Variants in DCAF1 observed in about 807,000 individuals in gnomAD.
The protein encoded by DCAF1 is DDB1- and CUL4-associated factor 1.
DCAF1 carries 15 observed loss-of-function variants against 128.0 expected under a neutral mutation model. The observed-to-expected ratio is 0.12, with a 90% CI of 0.08 to 0.18. The LOEUF is 0.18. Among genes scored for constraint, DCAF1 ranks in the 10% least tolerant of loss-of-function variants. The pLI is 1.00. For missense variants in DCAF1, 988 were observed against 1,649.5 expected (o/e 0.60, Z 6.95); for synonymous variants, 610 against 603.0 (o/e 1.01, Z -0.17).
At chr3:51,474,194 G>A (rs550794717) in intron 3 of DCAF1, among the ~76,000 whole-genome samples, 19 of 152,118 alleles carry the variant, frequency 1.2e-4, no homozygotes, top group African/African-American at 1.9e-4. Context: ...TGAGGCGGGC[G>A]GATCACCTGA....
intron 9 of DCAF1, among the ~76,000 whole-genome samples, chr3:51,434,967 T>C (rs1434989326): frequency 3.9e-5 from 6 of 152,170 alleles, no homozygotes; most frequent in East Asian, 1.9e-4. Flanking sequence ...ACCAACAACA[T>C]AGATTTGTAA....
At chr3:51,496,110 G>A (rs911494723) in intron 2 of DCAF1, among the ~76,000 whole-genome samples, 1 of 152,026 alleles carries the variant, frequency 6.6e-6, no homozygotes, top group Admixed American at 6.6e-5. Context: ...TGACTAATAT[G>A]GAGAAACCCT....
chr3:51,467,060 G>A (rs562748300), intron 4 of DCAF1, among the ~76,000 whole-genome samples, 184 bp from the exon 5 acceptor site: 2 of 152,182 alleles, frequency 1.3e-5, no homozygotes, highest in African/African-American at 2.4e-5. Context: ...TAGGCCAGGC[G>A]CAGTAGCTCA....
chr3:51,405,499 C>A (rs1204069257), intron 23 of DCAF1, among the ~76,000 whole-genome samples: 4 of 152,096 alleles, frequency 2.6e-5, no homozygotes, highest in Non-Finnish European at 4.4e-5. Context: ...CATATGTGAC[C>A]ATGAGAGAGA....
At chr3:51,405,801 T>C (rs1362542792) in intron 23 of DCAF1, among the ~76,000 whole-genome samples, 3 of 152,120 alleles carry the variant, frequency 2.0e-5, no homozygotes, top group African/African-American at 7.2e-5. Context: ...ACCCCTCTCC[T>C]TCAGATCTAA....
intron 6 of DCAF1, among the ~76,000 whole-genome samples, chr3:51,454,218 T>A (rs934676440): frequency 8.5e-5 from 13 of 152,056 alleles, no homozygotes; most frequent in African/African-American, 3.1e-4. Flanking sequence ...AATGATTTAT[T>A]TTTGTAGAGC....
intron 18 of DCAF1, among the ~76,000 whole-genome samples, chr3:51,416,234 C>T (rs1244597015): frequency 6.6e-6 from 1 of 152,176 alleles, no homozygotes; most frequent in Non-Finnish European, 1.5e-5. Flanking sequence ...CCTCACTGAC[C>T]TCAGCTCTCC....
At chr3:51,425,014 A>G (rs1454309992) in intron 13 of DCAF1, among the ~76,000 whole-genome samples, 1 of 152,208 alleles carries the variant, frequency 6.6e-6, no homozygotes, top group Non-Finnish European at 1.5e-5. Flanking sequence ...GATGAATTTG[A>G]TTAAAAGTAT....
chr3:51,442,545 A>G (rs1553639133), intron 7 of DCAF1, among the ~76,000 whole-genome samples: 1 of 152,018 alleles, frequency 6.6e-6, no homozygotes, highest in Non-Finnish European at 1.5e-5. Flanking sequence ...TAAAAATACA[A>G]AAAATTTCCA....
At chr3:51,446,972 T>TAATAATAATAATAAC (rs1701920702) in intron 6 of DCAF1, among the ~76,000 whole-genome samples, 1 of 144,206 alleles carries the variant, frequency 6.9e-6, no homozygotes, top group Non-Finnish European at 1.5e-5. Flanking sequence ...AAAATAATAA[T>TAATAATAATAATAAC]AATAATAATA....
chr3:51,502,919 T>C (rs1460314149), upstream of DCAF1, among the ~76,000 whole-genome samples: 2 of 152,174 alleles, frequency 1.3e-5, no homozygotes, highest in Non-Finnish European at 2.9e-5. Flanking sequence ...ATTTCACAGA[T>C]ACCCACATGT....
At chr3:51,493,001 T>C (rs930933060) in intron 2 of DCAF1, among the ~76,000 whole-genome samples, 1 of 150,628 alleles carries the variant, frequency 6.6e-6, no homozygotes, top group Admixed American at 6.6e-5. Context: ...CTCAAAAAAA[T>C]AAATAAATAA....
At chr3:51,478,130 A>G (rs1553651374) in intron 3 of DCAF1, among the ~76,000 whole-genome samples, 1 of 152,080 alleles carries the variant, frequency 6.6e-6, no homozygotes, top group African/African-American at 2.4e-5. Context: ...CAGCCTCCTG[A>G]GTAGCTGAGA....
intron 6 of DCAF1, among the ~76,000 whole-genome samples, chr3:51,454,495 G>A (rs1702680347): frequency 6.6e-6 from 1 of 152,148 alleles, no homozygotes; most frequent in South Asian, 2.1e-4. Flanking sequence ...CCAAGGAGCT[G>A]GGACTACAGT....
chr3:51,403,503 T>C, intron 23 of DCAF1, 108 bp from the exon 24 acceptor site: 3 of 1,479,324 alleles, frequency 2.0e-6, no homozygotes, highest in South Asian at 2.8e-5. Context: ...CAGTAGAGGG[T>C]AGTAGTGATC....
chr3:51,434,014 G>A (rs970630694), intron 9 of DCAF1, among the ~76,000 whole-genome samples: 4 of 151,538 alleles, frequency 2.6e-5, no homozygotes, highest in South Asian at 2.1e-4. Context: ...CCCGGGAGAC[G>A]GAGGTTGCAG....
chr3:51,483,606 AGTTTGT>A, intron 3 of DCAF1, 107 bp downstream of exon 3: 1 of 511,916 alleles, frequency 2.0e-6, no homozygotes, highest in Non-Finnish European at 3.3e-6. Context: ...TTTTTAAACT[AGTTTGT>A]GTGTGTGTGT....
intron 6 of DCAF1, among the ~76,000 whole-genome samples, chr3:51,450,282 C>T (rs781956987): frequency 1.3e-5 from 2 of 152,154 alleles, no homozygotes; most frequent in Non-Finnish European, 2.9e-5. Flanking sequence ...TTTTATGATG[C>T]CAGCATTACC....
intron 3 of DCAF1, among the ~76,000 whole-genome samples, chr3:51,473,870 G>A (rs1461769676): frequency 6.6e-6 from 1 of 151,590 alleles, no homozygotes; most frequent in African/African-American, 2.4e-5. Flanking sequence ...ATGGCACGAT[G>A]TCGGCTCACT....
Sources: gnomAD v4.1 joint callset for allele counts (sites outside exome capture counted in the v4.1 genomes callset) on GRCh38, gnomAD v4.1.1 for gene constraint, MANE v1.5 for transcripts, NCBI Gene and HGNC (gene_info 2026-07-23, HGNC 2026-07-21) for gene names.